The following RMC1 variants were observed in gnomAD, a reference collection of about 807,000 sequenced individuals.
RMC1 encodes regulator of MON1-CCZ1 complex.
In RMC1, 44 loss-of-function variants were observed where a neutral mutation model predicts 95.5. The ratio of observed to expected loss-of-function variants is 0.46; its 90% CI spans 0.36 to 0.59. The LOEUF (loss-of-function observed/expected upper bound fraction) is 0.59. RMC1 is among the 20% of genes least tolerant of loss of function. RMC1 has a pLI of 0.00. For missense variants in RMC1, 705 were observed against 819.6 expected (o/e 0.86, Z 1.71); for synonymous variants, 320 against 303.6 (o/e 1.05, Z -0.56).
rs747367515 is a variant in RMC1 at position 23,524,424 on chromosome 18, T to C, written c.1007-5T>C. 5 of 1,613,842 alleles carry C rather than the reference T, an allele frequency of 3.1e-6. No homozygotes were observed. The highest frequency in any genetic ancestry group is 4.2e-6 in the Non-Finnish European group (5 of 1,179,768). On this transcript the variant is annotated splice_polypyrimidine_tract_variant and splice_region_variant and intron_variant, in intron 11 of 19. Transcript: ENST00000269221. ...TCCTGGTTTAGAATTTCCTATAACA[T>C]GTGGATTCTTCATCTTGGATTGTCT...
At chr18:23,526,147 G>A (rs182779767) in intron 12 of RMC1, among the ~76,000 whole-genome samples, 1 of 152,320 alleles carries the variant, frequency 6.6e-6, no homozygotes, top group East Asian at 1.9e-4. Context: ...GGCAGTGTGG[G>A]TGATCAGTAC....
At chr18:23,527,081 T>C (rs533009231) in intron 13 of RMC1, among the ~76,000 whole-genome samples, 2 of 152,134 alleles carry the variant, frequency 1.3e-5, no homozygotes, top group Admixed American at 1.3e-4. Context: ...ATATGTGTCT[T>C]CTTTAAGAAT....
rs142477400 is a variant in RMC1, at chr18:23,531,731, A to C, written c.*27A>C. On this transcript the variant is annotated 3_prime_UTR_variant, in exon 20 of 20. Transcript: ENST00000269221. ...ATCACTTGCTGTTTTTTTATATAAA[A>C]ATGTGTACAAAGTTAATTTATTGCA... The C allele has an allele frequency of 6.3e-7, 1 of 1,597,608 alleles. No homozygotes were observed. The highest frequency in any genetic ancestry group is 2.2e-5 in the East Asian group (1 of 44,788).
intron 10 of RMC1, among the ~76,000 whole-genome samples, chr18:23,523,224 C>G (rs1029731383): frequency 2.6e-5 from 4 of 152,064 alleles, no homozygotes; most frequent in Non-Finnish European, 5.9e-5. Flanking sequence ...TGAAACCTGC[C>G]TTCTGATTGT....
intron 4 of RMC1, 66 bp downstream of exon 4, chr18:23,508,107 A>G: frequency 7.0e-7 from 1 of 1,421,412 alleles, no homozygotes; most frequent in South Asian, 1.5e-5. Context: ...TGTAGTGGAG[A>G]GCGGGGCATT....
At chr18:23,519,667 A>G (rs949847376) in intron 9 of RMC1, among the ~76,000 whole-genome samples, 5 of 152,254 alleles carry the variant, frequency 3.3e-5, no homozygotes, top group Non-Finnish European at 5.9e-5. Flanking sequence ...AAGATAATTC[A>G]AAACTATTTC....
At chr18:23,505,772 C>CG (rs2057698669) in intron 2 of RMC1, among the ~76,000 whole-genome samples, 2 of 151,862 alleles carry the variant, frequency 1.3e-5, no homozygotes, top group Admixed American at 1.3e-4. Context: ...TCGTAAGACC[C>CG]GGGGGTCGGT....
Position 23,524,499 on chromosome 18 carries a change from A to G in RMC1, c.1060+17A>G, listed in dbSNP as rs764249235. ...CAAGCCAAGGTAGGTCAGCGGGGAC[A>G]GTTGTCGTGTTACAACATGGTGCTT... On this transcript the variant is annotated intron_variant, in intron 12 of 19. Transcript: ENST00000269221. 6 of 1,613,220 alleles carry G rather than the reference A, an allele frequency of 3.7e-6. No individual in the cohort carries two copies. Among genetic ancestry groups the G allele is most frequent in the Non-Finnish European group, 4.2e-6 (5 of 1,179,170 alleles).
intron 5 of RMC1, among the ~76,000 whole-genome samples, chr18:23,509,984 C>CT (rs71163612): frequency 2.0e-3 from 242 of 122,056 alleles, no homozygotes; most frequent in Middle Eastern, 9.6e-3. Flanking sequence ...GGATTTTATT[C>CT]TTTTTTTTTT....
intron 7 of RMC1, among the ~76,000 whole-genome samples, chr18:23,516,844 G>A (rs1846595770): frequency 6.6e-6 from 1 of 150,986 alleles, no homozygotes; most frequent in South Asian, 2.1e-4. Flanking sequence ...TTCTGCTTCA[G>A]CCTCCCAAGT....
Position 23,504,414 on chromosome 18 carries a change from A to C in RMC1, c.146A>C (p.Lys49Thr). 6.2e-7 allele frequency: 1 copy of C among 1,614,174 alleles called. No individual in the cohort carries two copies. The highest frequency in any genetic ancestry group is 8.5e-7 in the Non-Finnish European group (1 of 1,179,994). Residue 49 changes from lysine (K) to threonine (T), a missense_variant, in exon 2 of 20, where the codon AAA (lysine) becomes ACA (threonine). Transcript: ENST00000269221. ...RSGGATGVVVKGPDDRNPISF... is the reference protein window; with the variant it reads ...RSGGATGVVVTGPDDRNPISF... ...GGTGGAGCTACTGGCGTGGTAGTTA[A>C]AGGCCCAGATGATAGGAATCCCATC...
At position 23,529,296 on chromosome 18, in the gene RMC1, A is replaced by G; in HGVS notation, c.1414A>G (p.Lys472Glu). The G allele has an allele frequency of 6.2e-7, 1 of 1,608,860 alleles. No individual in the cohort carries two copies. Among genetic ancestry groups the G allele is most frequent in the Non-Finnish European group, 8.5e-7 (1 of 1,178,788 alleles). The stretch of plus-strand genomic sequence containing the variant: ...TGTCCTGTCAGCCTTTGTGGAAAAG[A>G]AGGTGGGCTGCAGCTTTCCGCCTCT... The part of the protein sequence containing the change: ...THVLSAFVEK[K>E]EMPHKFVIAV... Residue 472 changes from lysine (K) to glutamate (E), a missense_variant and splice_region_variant, in exon 15 of 20, where the codon AAG becomes GAG. By Grantham distance (56) the Lys-to-Glu change is moderately conservative (BLOSUM62 1). Transcript: ENST00000269221.
chr18:23,516,462 T>C, intron 7 of RMC1, 39 bp downstream of exon 7: 1 of 1,589,906 alleles, frequency 6.3e-7, no homozygotes, highest in Non-Finnish European at 8.6e-7. Context: ...CTGTGATTGC[T>C]TTCAGTAATA....
rs567270488 is a variant in RMC1, at chr18:23,513,008, C to T, written c.409-2848C>T. ...TTGCTCTGTTGCCCAGGCTGGAGTG[C>T]AGTGGCGTGATCTCAGCTCACTGCA... On this transcript the variant is annotated intron_variant, in intron 5 of 19. Transcript: ENST00000269221. Among the ~76,000 whole-genome samples the T allele has an allele frequency of 4.3e-4, 65 of 152,186 alleles. 1 individual carries two copies. Among genetic ancestry groups the T allele is most frequent in the African/African-American group, 1.5e-3 (64 of 41,506 alleles).
At chr18:23,526,584 CT>C in intron 12 of RMC1, 52 bp from the exon 13 acceptor site, 10 of 1,589,266 alleles carry the variant, frequency 6.3e-6, no homozygotes, top group South Asian at 1.1e-5. Flanking sequence ...CACTTTTGGG[CT>C]TTTGTTACGG....
intron 2 of RMC1, among the ~76,000 whole-genome samples, chr18:23,505,454 C>T (rs1207672950): frequency 1.3e-5 from 2 of 152,202 alleles, no homozygotes; most frequent in Non-Finnish European, 2.9e-5. Flanking sequence ...GGTGTCTCCA[C>T]AGGGAAGGGG....
rs1222014388 is a variant in RMC1, at chr18:23,507,882, T to C, written c.265-103T>C. 3.0e-6 allele frequency: 3 copies of C among 987,694 alleles called. No individual in the cohort carries two copies. In the Admixed American group the frequency reaches 1.0e-4, roughly 33 times the overall value. 61.2% of individuals were successfully genotyped at this position (987,694 alleles called of 1,614,324 possible). On this transcript the variant is annotated intron_variant, in intron 3 of 19. Transcript: ENST00000269221. ...GTCTTCAGTTATTTTCTGGTCACTTTTTAAGTTAATATTTATTTTTCTTGT... is the reference window on the plus strand; with the variant it reads ...GTCTTCAGTTATTTTCTGGTCACTTCTTAAGTTAATATTTATTTTTCTTGT...
chr18:23,526,112 A>G (rs1475484516), intron 12 of RMC1, among the ~76,000 whole-genome samples: 1 of 152,154 alleles, frequency 6.6e-6, no homozygotes, highest in Non-Finnish European at 1.5e-5. Context: ...TGGCATCCCA[A>G]TTGGGAAAGG....
rs1039744059 is a variant in RMC1 at position 23,528,905 on chromosome 18, G to C, written c.1297-274G>C. ...ACTGCTTTTTTTTTTTTGAGACGGA[G>C]TTTTGTTCTTATTGCCCAGGCTGGA... On this transcript the variant is annotated intron_variant, in intron 14 of 19. Transcript: ENST00000269221. 1.3e-5 allele frequency: 4 copies of C among 311,060 alleles called. No individual in the cohort carries two copies. The South Asian group carries it at 1.8e-4, about 14-fold the overall frequency. 19.3% of individuals were successfully genotyped at this position (311,060 alleles called of 1,614,324 possible).
Sources: gnomAD v4.1 joint callset for allele counts (sites outside exome capture counted in the v4.1 genomes callset) on GRCh38, gnomAD v4.1.1 for gene constraint, MANE v1.5 for transcripts, NCBI Gene and HGNC (gene_info 2026-07-23, HGNC 2026-07-21) for gene names.